The following RAB7A variants were observed in gnomAD, a reference collection of about 807,000 sequenced individuals.
RAB7A encodes ras-related protein Rab-7a.
A neutral mutation model predicts 24.5 loss-of-function variants in RAB7A; 2 were observed. The ratio of observed to expected loss-of-function variants is 0.08; its 90% CI spans 0.03 to 0.26. The LOEUF is 0.26. Ranked by LOEUF, RAB7A falls within the 10% of genes least tolerant of loss-of-function variation. The pLI, the probability that RAB7A is intolerant of heterozygous loss-of-function variation, is 1.00. For synonymous variants in RAB7A, 100 were observed against 95.9 expected (o/e 1.04, Z -0.25); for missense variants, 118 against 255.7 (o/e 0.46, Z 3.67).
intron 3 of RAB7A, among the ~76,000 whole-genome samples, chr3:128,801,243 G>A (rs1933692709): frequency 2.0e-5 from 3 of 152,236 alleles, no homozygotes; most frequent in Admixed American, 6.5e-5. Context: ...GGTGGCTCAT[G>A]CCTGTAATCC....
At chr3:128,751,133 G>C (rs2070676942) in intron 1 of RAB7A, among the ~76,000 whole-genome samples, 1 of 152,236 alleles carries the variant, frequency 6.6e-6, no homozygotes, top group African/African-American at 2.4e-5. Context: ...GACTCTCATG[G>C]AGAACCTCTG....
intron 1 of RAB7A, among the ~76,000 whole-genome samples, chr3:128,793,768 C>T (rs1355425798): frequency 1.3e-5 from 2 of 152,224 alleles, no homozygotes; most frequent in Non-Finnish European, 2.9e-5. Context: ...TATACTGCCC[C>T]TAACTAGCAC....
intron 1 of RAB7A, among the ~76,000 whole-genome samples, chr3:128,759,301 A>T (rs752175153): frequency 1.5e-3 from 223 of 152,350 alleles, no homozygotes; most frequent in Non-Finnish European, 1.8e-3. Flanking sequence ...GAAAAGCCAC[A>T]GGAGCTTAAT....
At chr3:128,754,367 G>C (rs1485620907) in intron 1 of RAB7A, among the ~76,000 whole-genome samples, 1 of 152,050 alleles carries the variant, frequency 6.6e-6, no homozygotes, top group Admixed American at 6.6e-5. Context: ...TATAACTTCA[G>C]GGTGTTAAAT....
intron 5 of RAB7A, among the ~76,000 whole-genome samples, chr3:128,809,420 C>A (rs1576304901): frequency 1.3e-5 from 2 of 152,248 alleles, no homozygotes; most frequent in East Asian, 3.9e-4. Flanking sequence ...CTCTGAGTTC[C>A]CCTCCCTGGG....
intron 1 of RAB7A, among the ~76,000 whole-genome samples, chr3:128,759,682 G>A (rs939169645): frequency 3.3e-5 from 5 of 152,006 alleles, no homozygotes; most frequent in Non-Finnish European, 7.4e-5. Flanking sequence ...AGCTCTGTTA[G>A]GTTTTCATAT....
intron 1 of RAB7A, among the ~76,000 whole-genome samples, chr3:128,743,605 A>G (rs1351192747): frequency 2.0e-5 from 3 of 152,176 alleles, no homozygotes; most frequent in East Asian, 3.9e-4. Context: ...TCAGTGGACT[A>G]AAGGAACCAC....
chr3:128,801,194 A>G (rs1466660782), intron 3 of RAB7A, among the ~76,000 whole-genome samples: 2 of 152,212 alleles, frequency 1.3e-5, no homozygotes, highest in African/African-American at 4.8e-5. Context: ...GTAGTTAACA[A>G]TACTGTATTG....
chr3:128,758,209 C>T (rs144720823), intron 1 of RAB7A, among the ~76,000 whole-genome samples: 1 of 151,034 alleles, frequency 6.6e-6, no homozygotes, highest in East Asian at 1.9e-4. Context: ...AATGATCTTC[C>T]TGCCCTAGCC....
intron 1 of RAB7A, among the ~76,000 whole-genome samples, chr3:128,752,872 T>C (rs555125801): frequency 8.5e-5 from 13 of 152,170 alleles, no homozygotes; most frequent in Non-Finnish European, 1.6e-4. Flanking sequence ...ACCTTTTGGC[T>C]TTTAAACATG....
At chr3:128,727,942 G>C (rs1319667940) in intron 1 of RAB7A, among the ~76,000 whole-genome samples, 1 of 151,464 alleles carries the variant, frequency 6.6e-6, no homozygotes, top group Non-Finnish European at 1.5e-5. Flanking sequence ...CAATCCTGTT[G>C]TATTCATATT....
intron 1 of RAB7A, chr3:128,749,516 G>A (rs2070654331): frequency 6.6e-6 from 1 of 152,160 alleles, no homozygotes; most frequent in African/African-American, 2.4e-5. Flanking sequence ...ACCAGACAAG[G>A]TGAGACCCTG....
chr3:128,755,581 C>T (rs774953593), intron 1 of RAB7A, among the ~76,000 whole-genome samples: 20 of 152,172 alleles, frequency 1.3e-4, no homozygotes, highest in Non-Finnish European at 2.8e-4. Flanking sequence ...AATCCCTTAC[C>T]TAGATTGACT....
intron 1 of RAB7A, among the ~76,000 whole-genome samples, chr3:128,754,749 G>T (rs1052219650): frequency 2.6e-5 from 4 of 152,140 alleles, no homozygotes; most frequent in Non-Finnish European, 4.4e-5. Flanking sequence ...GATCGGGGTT[G>T]CTACACTAAT....
At chr3:128,773,942 G>GTGGAAGGC in intron 1 of RAB7A, among the ~76,000 whole-genome samples, 1 of 151,346 alleles carries the variant, frequency 6.6e-6, no homozygotes, top group African/African-American at 2.4e-5. Context: ...CACAAACACT[G>GTGGAAGGC]CGGAAGGCCT....
intron 1 of RAB7A, among the ~76,000 whole-genome samples, chr3:128,790,093 C>T (rs773701260): frequency 1.3e-5 from 2 of 152,122 alleles, no homozygotes; most frequent in Non-Finnish European, 2.9e-5. Context: ...ACGCCTGGCC[C>T]CTGGCTCTTT....
intron 3 of RAB7A, among the ~76,000 whole-genome samples, chr3:128,804,250 A>G (rs1192611463): frequency 6.6e-6 from 1 of 152,304 alleles, no homozygotes; most frequent in African/African-American, 2.4e-5. Context: ...CTGAAGAAGC[A>G]TGTTTAGCCA....
chr3:128,780,377 T>C (rs556923722), intron 1 of RAB7A, among the ~76,000 whole-genome samples: 42 of 152,300 alleles, frequency 2.8e-4, no homozygotes, highest in Non-Finnish European at 5.3e-4. Flanking sequence ...GGTTTCAGAA[T>C]TGTGTAGATG....
intron 1 of RAB7A, among the ~76,000 whole-genome samples, chr3:128,737,901 C>T (rs1372559254): frequency 7.8e-6 from 1 of 128,512 alleles, no homozygotes; most frequent in African/African-American, 2.9e-5. Context: ...GTCTCAAACT[C>T]TAGGCCTCAA....
Sources: allele counts gnomAD v4.1 joint callset (sites outside exome capture counted in the v4.1 genomes callset), GRCh38; gene constraint gnomAD v4.1.1; transcripts MANE v1.5; gene names NCBI Gene and HGNC (gene_info 2026-07-23, HGNC 2026-07-21).